Variants in ROBO2 observed in about 807,000 individuals in gnomAD.
ROBO2 encodes roundabout homolog 2.
In ROBO2, 53 loss-of-function variants were observed where a neutral mutation model predicts 160.8. That is an observed-to-expected ratio of 0.33 (90% CI 0.26 to 0.41). The LOEUF (loss-of-function observed/expected upper bound fraction) is 0.41, where lower values mean the gene tolerates loss of function less well. ROBO2 is among the 10% of genes least tolerant of loss of function. ROBO2 has a pLI of 1.00. For missense variants in ROBO2, 1,577 were observed against 1,722.4 expected (o/e 0.92, Z 1.49); for synonymous variants, 664 against 611.7 (o/e 1.09, Z -1.26).
chr3:76,083,144 A>T (rs947533235), intron 2 of ROBO2, among the ~76,000 whole-genome samples: 10 of 152,084 alleles, frequency 6.6e-5, no homozygotes, highest in Admixed American at 6.6e-5. Flanking sequence ...GAGGTGTTGA[A>T]CATCAGTTCT....
chr3:76,339,247 T>A (rs950391859), intron 2 of ROBO2, among the ~76,000 whole-genome samples: 15 of 152,194 alleles, frequency 9.9e-5, no homozygotes, highest in Non-Finnish European at 2.1e-4. Context: ...CTGATGCACC[T>A]GATTGTGTGT....
intron 2 of ROBO2, among the ~76,000 whole-genome samples, chr3:77,155,476 A>G (rs967223610): frequency 2.0e-5 from 3 of 152,028 alleles, no homozygotes; most frequent in African/African-American, 7.2e-5. Flanking sequence ...TAACCTTTAG[A>G]ACCTGGAAAA....
chr3:76,888,604 ATATAG>A (rs1358900594), intron 2 of ROBO2, among the ~76,000 whole-genome samples: 2 of 152,190 alleles, frequency 1.3e-5, no homozygotes, highest in East Asian at 1.9e-4. Context: ...ATTACAATTG[ATATAG>A]TATATAGGAA....
At chr3:76,768,007 A>G (rs1481451329) in intron 2 of ROBO2, among the ~76,000 whole-genome samples, 1 of 151,538 alleles carries the variant, frequency 6.6e-6, no homozygotes, top group Admixed American at 6.6e-5. Context: ...CATAACTATA[A>G]TATTAAATTT....
chr3:76,641,727 G>T (rs535430756), intron 2 of ROBO2, among the ~76,000 whole-genome samples: 3 of 152,090 alleles, frequency 2.0e-5, no homozygotes, highest in Non-Finnish European at 4.4e-5. Flanking sequence ...ATTATAGTAT[G>T]GTATGTAGGT....
chr3:76,217,597 C>A (rs1451384453), intron 2 of ROBO2, among the ~76,000 whole-genome samples: 1 of 152,170 alleles, frequency 6.6e-6, no homozygotes, highest in Non-Finnish European at 1.5e-5. Context: ...CATACACTCT[C>A]CCAAGACTAA....
intron 20 of ROBO2, chr3:77,602,903 T>C (rs2094461072): frequency 2.2e-6 from 1 of 460,816 alleles, no homozygotes; most frequent in Admixed American, 2.3e-5. Context: ...AATCACATGA[T>C]GCCACTATGA....
chr3:76,145,991 C>G (rs1014565188), intron 2 of ROBO2, among the ~76,000 whole-genome samples: 1 of 151,970 alleles, frequency 6.6e-6, no homozygotes, highest in African/African-American at 2.4e-5. Flanking sequence ...TTCGTTGATT[C>G]CACTATTTCT....
chr3:76,920,299 C>T (rs1026968745), intron 2 of ROBO2, among the ~76,000 whole-genome samples: 1 of 152,004 alleles, frequency 6.6e-6, no homozygotes, highest in African/African-American at 2.4e-5. Context: ...TTAGCTTATT[C>T]ATAAAACAGT....
At chr3:77,286,932 C>T (rs1004750366) in intron 2 of ROBO2, among the ~76,000 whole-genome samples, 2 of 152,188 alleles carry the variant, frequency 1.3e-5, no homozygotes, top group African/African-American at 4.8e-5. Context: ...CAAATGGTTT[C>T]ACTCCTGACT....
chr3:77,506,092 T>C (rs568151404), intron 5 of ROBO2, among the ~76,000 whole-genome samples: 1 of 152,222 alleles, frequency 6.6e-6, no homozygotes, highest in East Asian at 1.9e-4. Flanking sequence ...CAAAACTGGA[T>C]TCAAACCTCA....
chr3:76,736,146 G>C (rs1276521602), intron 2 of ROBO2, among the ~76,000 whole-genome samples: 2 of 151,622 alleles, frequency 1.3e-5, no homozygotes, highest in Admixed American at 6.6e-5. Context: ...ATCCGGGCGT[G>C]GTGGTGGCGC....
chr3:77,056,346 T>C (rs2065741637), intron 1 of ROBO2, among the ~76,000 whole-genome samples: 1 of 152,204 alleles, frequency 6.6e-6, no homozygotes, highest in Non-Finnish European at 1.5e-5. Context: ...TATAAAGACC[T>C]AATTTTGTTG....
chr3:76,918,854 G>A (rs2076487705), intron 2 of ROBO2, among the ~76,000 whole-genome samples: 1 of 152,050 alleles, frequency 6.6e-6, no homozygotes, highest in East Asian at 1.9e-4. Flanking sequence ...TTTAATAATC[G>A]CCATTCTGAC....
rs181469004 is a variant in ROBO2 at position 77,339,223 on chromosome 3, G to A, written c.389-138191G>A. ...GATATATATATTCCGTATGGTTGAA[G>A]TAGACACATTGAGGATTAGAGTTAG... On this transcript the variant is annotated intron_variant, in intron 2 of 25. Coordinates refer to ENST00000461745, the Ensembl canonical transcript of ROBO2. Among the ~76,000 whole-genome samples the A allele has an allele frequency of 3.9e-5, 6 of 152,052 alleles. No homozygotes were observed. In the East Asian group the frequency reaches 1.2e-3, roughly 29 times the overall value.
intron 2 of ROBO2, among the ~76,000 whole-genome samples, chr3:76,506,286 A>G (rs1045639768): frequency 8.5e-5 from 13 of 152,222 alleles, no homozygotes; most frequent in African/African-American, 3.1e-4. Context: ...AGTTGCCAGC[A>G]GTAAAAGTGT....
chr3:76,016,974 ATACCATCAGT>A (rs2066423027), intron 2 of ROBO2, among the ~76,000 whole-genome samples: 1 of 152,186 alleles, frequency 6.6e-6, no homozygotes, highest in Non-Finnish European at 1.5e-5. Flanking sequence ...CTCATTTAAA[ATACCATCAGT>A]TACATGAGGT....
intron 2 of ROBO2, among the ~76,000 whole-genome samples, chr3:75,979,059 G>A (rs147167582): frequency 6.6e-6 from 1 of 151,582 alleles, no homozygotes; most frequent in Non-Finnish European, 1.5e-5. Flanking sequence ...GCTGAAAACC[G>A]ATGCATATGT....
intron 2 of ROBO2, among the ~76,000 whole-genome samples, chr3:77,219,517 G>C (rs371996221): frequency 6.0e-5 from 7 of 117,378 alleles, no homozygotes; most frequent in Admixed American, 8.8e-5. Flanking sequence ...ATATATATCT[G>C]TGTGTGTGTA....
Sources: gnomAD v4.1 joint callset for allele counts (sites outside exome capture counted in the v4.1 genomes callset) on GRCh38, gnomAD v4.1.1 for gene constraint, MANE v1.5 for transcripts, NCBI Gene and HGNC (gene_info 2026-07-23, HGNC 2026-07-21) for gene names.